The following C6orf52 variants were observed in gnomAD, a reference collection of about 807,000 sequenced individuals.
The protein encoded by C6orf52 is chromosome 6 open reading frame 52, also known as putative uncharacterized protein C6orf52.
In C6orf52, 16 loss-of-function variants were observed where a neutral mutation model predicts 16.6. That is an observed-to-expected ratio of 0.96 (90% CI 0.65 to 1.46). The LOEUF (loss-of-function observed/expected upper bound fraction) is 1.46, where lower values mean the gene tolerates loss of function less well. Among genes scored for constraint, C6orf52 ranks in the 40% most tolerant of loss-of-function variants. The pLI is 0.00. For missense variants in C6orf52, 166 were observed against 182.3 expected, an observed-to-expected ratio of 0.91 and a Z score of 0.52; for synonymous variants, 53 against 61.4, an observed-to-expected ratio of 0.86 and a Z score of 0.64.
chr6:10,692,803 A>T (rs1387738729), intron 1 of C6orf52, among the ~76,000 whole-genome samples: 1 of 152,104 alleles, frequency 6.6e-6, no homozygotes, highest in Non-Finnish European at 1.5e-5. Context: ...GGATTACAGG[A>T]GTGAGCCACC....
Position 10,671,600 on chromosome 6 carries a change from T to G in C6orf52, c.317-2A>C. On this transcript the variant is annotated splice_acceptor_variant, in intron 4 of 4. Coordinates refer to ENST00000259983, the MANE Select transcript of C6orf52 (RefSeq NM_001145020.3). LOFTEE classifies it high-confidence loss of function. ...CAATATTCAAATGAAGATGTGGATCTGCAGAAGCCAATAATGGATATGAAA... is the reference window on the plus strand; with the variant it reads ...CAATATTCAAATGAAGATGTGGATCGGCAGAAGCCAATAATGGATATGAAA... The G allele has an allele frequency of 6.5e-7, 1 of 1,532,682 alleles. No homozygotes were observed. Among genetic ancestry groups the G allele is most frequent in the Non-Finnish European group, 8.8e-7 (1 of 1,137,274 alleles). 94.9% of individuals were successfully genotyped at this position (1,532,682 alleles called of 1,614,324 possible). A position where few individuals can be genotyped will look rare whatever the true frequency, so the allele number is the denominator to read the frequency against.
chr6:10,690,330 A>G (rs1380433566), intron 1 of C6orf52, among the ~76,000 whole-genome samples: 2 of 152,156 alleles, frequency 1.3e-5, no homozygotes, highest in African/African-American at 2.4e-5. Context: ...GCAAATTTCT[A>G]TTGGGGCACA....
In C6orf52 at chr6:10,681,352, G is replaced by A. The variant is rs111548121; in HGVS notation, c.316+1835C>T. 9.2e-5 allele frequency among the ~76,000 whole-genome samples: 14 copies of A among 152,122 alleles called. 1 individual carries two copies. The highest frequency in any genetic ancestry group is 3.4e-4 in the African/African-American group (14 of 41,512). ...TTTTGAGTTTCTTTTGTTCTTAAAG[G>A]TTTGTTGACTATCTTTTAAAGAAAC... On this transcript the variant is annotated intron_variant, in intron 4 of 4. Transcript: ENST00000259983.
intron 1 of C6orf52, among the ~76,000 whole-genome samples, chr6:10,690,095 T>C (rs764496256): frequency 6.6e-6 from 1 of 152,068 alleles, no homozygotes; most frequent in Non-Finnish European, 1.5e-5. Context: ...GAGGAGGTGC[T>C]AAGGAGGCTG....
intron 4 of C6orf52, among the ~76,000 whole-genome samples, chr6:10,681,743 G>A (rs1768422040): frequency 1.3e-5 from 2 of 152,304 alleles, no homozygotes; most frequent in South Asian, 2.1e-4. Flanking sequence ...TCTGAACCCC[G>A]TGGCAATCTG....
At position 10,671,581 on chromosome 6, in the gene C6orf52, T is replaced by C; in HGVS notation, c.334A>G (p.Asn112Asp). 1.9e-6 allele frequency: 3 copies of C among 1,544,386 alleles called. No homozygotes were observed. Among genetic ancestry groups the C allele is most frequent in the African/African-American group, 1.4e-5 (1 of 72,706 alleles). Residue 112 changes from asparagine to aspartate, a missense_variant, in exon 5 of 5, where the codon AAT becomes GAT. Transcript: ENST00000259983. ...DPLEDPHLHL[N>D]IEESNQEFMV... ...AACTCTTGGTTTGATTCCTCAATAT[T>C]CAAATGAAGATGTGGATCTGCAGAA... is the stretch of plus-strand genomic sequence containing the variant.
intron 4 of C6orf52, among the ~76,000 whole-genome samples, chr6:10,682,625 C>G (rs1433904964): frequency 6.6e-6 from 1 of 152,220 alleles, no homozygotes; most frequent in Non-Finnish European, 1.5e-5. Flanking sequence ...CAATAGTGTT[C>G]TCTGCATTTC....
At chr6:10,678,237 C>T (rs1322105052) in intron 4 of C6orf52, among the ~76,000 whole-genome samples, 1 of 146,226 alleles carries the variant, frequency 6.8e-6, no homozygotes, top group Non-Finnish European at 1.5e-5. Flanking sequence ...TTCTGTAGAT[C>T]ACTTTGGGTA....
intron 4 of C6orf52, among the ~76,000 whole-genome samples, chr6:10,679,475 G>A (rs989745075): frequency 1.3e-5 from 2 of 149,778 alleles, no homozygotes; most frequent in African/African-American, 5.0e-5. Context: ...ATAGCTCATT[G>A]CTAAACAGTG....
chr6:10,693,406 C>A (rs1183958051), intron 1 of C6orf52, among the ~76,000 whole-genome samples: 1 of 152,224 alleles, frequency 6.6e-6, no homozygotes, highest in Non-Finnish European at 1.5e-5. Flanking sequence ...ATAACAAGGT[C>A]TTTTCTGCAC....
chr6:10,688,210 T>TA (rs544066476), intron 1 of C6orf52, among the ~76,000 whole-genome samples: 2,563 of 151,032 alleles, frequency 0.017, 57 homozygotes, highest in African/African-American at 0.046. Flanking sequence ...TTTTTTTTTT[T>TA]AAAAAAAGCA....
At chr6:10,672,920 T>C (rs1581527403) in intron 4 of C6orf52, among the ~76,000 whole-genome samples, 3 of 152,244 alleles carry the variant, frequency 2.0e-5, no homozygotes, top group Admixed American at 2.0e-4. Context: ...TCTGTATTTA[T>C]CATTTTAGAA....
chr6:10,671,919 T>A (rs560479715), intron 4 of C6orf52, among the ~76,000 whole-genome samples: 106 of 152,202 alleles, frequency 7.0e-4, no homozygotes, highest in Non-Finnish European at 1.2e-3. Flanking sequence ...ATGACTGCCA[T>A]GTTTCTGGCA....
intron 4 of C6orf52, among the ~76,000 whole-genome samples, chr6:10,674,278 T>G (rs1035526396): frequency 3.9e-5 from 6 of 152,022 alleles, no homozygotes; most frequent in African/African-American, 1.4e-4. Context: ...ACATTGGGAG[T>G]GAGGGTTTCA....
chr6:10,671,557 A>G lies in C6orf52; in HGVS notation c.358T>C (p.Phe120Leu), dbSNP rs1359084211. 6.5e-7 allele frequency: 1 copy of G among 1,547,650 alleles called. No homozygotes were observed. The change falls in exon 5 of 5, where the codon TTT becomes CTT. Residue 120 changes from phenylalanine to leucine, a missense_variant. Physicochemically the swap from Phe to Leu is conservative, Grantham distance 22. Transcript: ENST00000259983. ...TAGAGTTCTTCACTTTTCACCATAA[A>G]CTCTTGGTTTGATTCCTCAATATTC... ...HLNIEESNQE[F>L]MVKSEELYDS...
At position 10,683,185 on chromosome 6, in the gene C6orf52, A is replaced by AC. The variant is rs1204292887; in HGVS notation, c.316+1dup. ...ACCACTTCAGCACAAGGTTTATGTT[A>AC]CCTTCTAGTGGGTCTTCATCTTGGT... is the stretch of plus-strand genomic sequence containing the variant. On this transcript the variant is annotated splice_donor_variant, in intron 4 of 4. Transcript: ENST00000259983. LOFTEE classifies it high-confidence loss of function. 2 of 1,541,536 alleles carry AC rather than the reference A, an allele frequency of 1.3e-6. No individual in the cohort carries two copies. The highest frequency in any genetic ancestry group is 1.8e-6 in the Non-Finnish European group (2 of 1,140,518).
Position 10,673,394 on chromosome 6 carries a change from C to T in C6orf52, c.317-1796G>A, listed in dbSNP as rs1291882770. On this transcript the variant is annotated intron_variant, in intron 4 of 4. Transcript: ENST00000259983. ...ACAAACTAATTATATCATCCCTAAA[C>T]CTGTGAATCTTCTAGACCCATGTTG... Among the ~76,000 whole-genome samples, 5 of 152,346 alleles carry T rather than the reference C, an allele frequency of 3.3e-5. No homozygotes were observed. In the East Asian group the frequency reaches 9.6e-4, roughly 29 times the overall value.
chr6:10,679,970 T>C (rs760679372), intron 4 of C6orf52, among the ~76,000 whole-genome samples: 98 of 152,340 alleles, frequency 6.4e-4, no homozygotes, highest in Non-Finnish European at 7.9e-4. Context: ...ACTGAAATGA[T>C]CACCAAGCGC....
At chr6:10,689,388 TAG>T (rs1326730209) in intron 1 of C6orf52, among the ~76,000 whole-genome samples, 3 of 152,240 alleles carry the variant, frequency 2.0e-5, no homozygotes, top group African/African-American at 7.2e-5. Flanking sequence ...CTGGAGTTTA[TAG>T]AGAGTGGATT....
Sources: allele counts gnomAD v4.1 joint callset (sites outside exome capture counted in the v4.1 genomes callset), GRCh38; gene constraint gnomAD v4.1.1; transcripts MANE v1.5; gene names NCBI Gene and HGNC (gene_info 2026-07-23, HGNC 2026-07-21).